Variants in FAM161A observed in about 807,000 individuals in gnomAD.
The protein encoded by FAM161A is FAM161 centrosomal protein A.
A neutral mutation model predicts 70.9 loss-of-function variants in FAM161A; 57 were observed. The ratio of observed to expected loss-of-function variants is 0.80; its 90% CI spans 0.65 to 1.00. The LOEUF (loss-of-function observed/expected upper bound fraction) is 1.00. Among genes scored for constraint, FAM161A ranks in the 50% least tolerant of loss-of-function variants. FAM161A has a pLI of 0.00. For missense variants in FAM161A, 880 were observed against 836.0 expected, an observed-to-expected ratio of 1.05 and a Z score of -0.65; for synonymous variants, 299 against 295.7, an observed-to-expected ratio of 1.01 and a Z score of -0.12.
chr2:61,839,018 G>A (rs978632758), intron 3 of FAM161A, among the ~76,000 whole-genome samples: 7 of 151,632 alleles, frequency 4.6e-5, no homozygotes, highest in African/African-American at 1.7e-4. Flanking sequence ...GAGTAGCTGG[G>A]ATTACAGGCA....
At chr2:61,835,827 G>T in intron 5 of FAM161A, 183 bp downstream of exon 5, 1 of 596,800 alleles carries the variant, frequency 1.7e-6, no homozygotes, top group Non-Finnish European at 3.0e-6. Context: ...ACCACACCTG[G>T]CTAAATGCTC....
rs1673588901 is a variant in FAM161A at position 61,853,974 on chromosome 2, G to A, written c.68C>T (p.Thr23Ile). The A allele has an allele frequency of 6.2e-7, 1 of 1,613,902 alleles. No homozygotes were observed. The change falls in exon 1 of 7, where the codon ACT becomes ATT. Residue 23 changes from threonine (T) to isoleucine (I), a missense_variant. Transcript: ENST00000404929. ...TTCGTACTGGGCGACCCGCGCTCCA[G>A]TGATGGGATTTACCGGGGTCTGGAG... is the stretch of plus-strand genomic sequence containing the variant. The part of the protein sequence containing the change: ...SSLQTPVNPI[T>I]GARVAQYERE...
At chr2:61,824,552 G>A (rs1450443458), downstream of FAM161A, among the ~76,000 whole-genome samples, 2 of 151,962 alleles carry the variant, frequency 1.3e-5, no homozygotes, top group African/African-American at 2.4e-5. Flanking sequence ...TTCCATATAT[G>A]ATTTCATCCA....
rs1034225544 is a variant in FAM161A, at chr2:61,835,802, C to G, written c.1851+208G>C. ...ACCTCAGCCTCCCAAGTAGCTGGGACTACAGGTGCACACCACCACACCTGG... is the reference window on the plus strand; with the variant it reads ...ACCTCAGCCTCCCAAGTAGCTGGGAGTACAGGTGCACACCACCACACCTGG... On this transcript the variant is annotated intron_variant, in intron 5 of 6. Coordinates refer to ENST00000404929, the MANE Select transcript of FAM161A (RefSeq NM_001201543.2). 9 of 546,092 alleles carry G rather than the reference C, an allele frequency of 1.6e-5. No homozygotes were observed. In the African/African-American group the frequency reaches 1.7e-4, roughly 10 times the overall value. The allele number at this position is 546,092 out of a possible 1,614,324, so 33.8% of individuals were successfully genotyped here.
At chr2:61,803,359 C>A in the FAM161A span, 1 of 701,044 alleles carries the variant, frequency 1.4e-6, no homozygotes, top group Non-Finnish European at 2.7e-6. Context: ...AAGACATGGC[C>A]TGTATGAGAA....
the FAM161A span, among the ~76,000 whole-genome samples, chr2:61,808,203 G>A: frequency 2.6e-5 from 4 of 152,074 alleles, no homozygotes; most frequent in Non-Finnish European, 5.9e-5. Flanking sequence ...TGAGGTTTCA[G>A]TTATTAACAG....
At chr2:61,843,373 C>A in intron 1 of FAM161A, among the ~76,000 whole-genome samples, 1 of 152,122 alleles carries the variant, frequency 6.6e-6, no homozygotes, top group East Asian at 1.9e-4. Context: ...GTGATCTACT[C>A]GCCTCGGCCT....
chr2:61,844,036 G>A (rs1280860518), intron 1 of FAM161A, among the ~76,000 whole-genome samples: 2 of 152,054 alleles, frequency 1.3e-5, no homozygotes, highest in East Asian at 1.9e-4. Flanking sequence ...CCAGCTACTC[G>A]GGAGGCTGCA....
Position 61,826,364 on chromosome 2 carries a change from C to T in FAM161A, c.*91G>A, listed in dbSNP as rs774458495. On this transcript the variant is annotated 3_prime_UTR_variant, in exon 7 of 7. Coordinates refer to ENST00000404929, the MANE Select transcript of FAM161A (RefSeq NM_001201543.2). Reference sequence around the variant, plus strand: ...TCAACAGCCCTGCACATATCAGAAGCGTCCCCACAGATGTTCTAAACACAA... The same window carrying T: ...TCAACAGCCCTGCACATATCAGAAGTGTCCCCACAGATGTTCTAAACACAA... The T allele has an allele frequency of 8.6e-6, 12 of 1,396,816 alleles. No homozygotes were observed. Among genetic ancestry groups the T allele is most frequent in the African/African-American group, 1.4e-5 (1 of 70,576 alleles). The allele number at this position is 1,396,816 out of a possible 1,614,324, so 86.5% of individuals were successfully genotyped here. A position where few individuals can be genotyped will look rare whatever the true frequency, so the allele number is the denominator to read the frequency against.
chr2:61,819,904 A>AT (rs1672167153), downstream of FAM161A, among the ~76,000 whole-genome samples: 2 of 152,000 alleles, frequency 1.3e-5, no homozygotes, highest in South Asian at 2.1e-4. Context: ...CTCATTTATG[A>AT]TTTTTTTCTA....
At position 61,840,217 on chromosome 2, in the gene FAM161A, C is replaced by A. The variant is rs766328719; in HGVS notation, c.787G>T (p.Glu263Ter). 5 of 1,613,690 alleles carry A rather than the reference C, an allele frequency of 3.1e-6. No individual in the cohort carries two copies. Among genetic ancestry groups the A allele is most frequent in the Non-Finnish European group, 3.4e-6 (4 of 1,179,952 alleles). The change falls in exon 3 of 7, where the codon GAA (glutamate) becomes TAA (stop). Residue 263 changes from glutamate (E) to a stop codon, truncating the protein, a stop_gained. Coordinates refer to ENST00000404929, the MANE Select transcript of FAM161A (RefSeq NM_001201543.2). LOFTEE classifies it high-confidence loss of function. ...TTTTTGAGCGCTTTATGTACCATTTCGATATCTGATTTAGATTTCATGGAC... is the reference window on the plus strand; with the variant it reads ...TTTTTGAGCGCTTTATGTACCATTTAGATATCTGATTTAGATTTCATGGAC... ...EESMKSKSDI[E>*]MVHKALKKQE... is the part of the protein sequence containing the mutation.
the FAM161A span, among the ~76,000 whole-genome samples, chr2:61,816,943 A>G: frequency 0.17 from 25,681 of 152,166 alleles, 2,327 homozygotes; most frequent in Middle Eastern, 0.21. Flanking sequence ...TTCCAAGTGG[A>G]GTCACACACC....
At chr2:61,800,883 A>C in the FAM161A span, among the ~76,000 whole-genome samples, 1 of 152,206 alleles carries the variant, frequency 6.6e-6, no homozygotes, top group African/African-American at 2.4e-5. Context: ...AGCTCACTGC[A>C]CACTGTATCT....
chr2:61,852,494 G>A (rs559893963), intron 1 of FAM161A, among the ~76,000 whole-genome samples: 140 of 152,204 alleles, frequency 9.2e-4, no homozygotes, highest in Non-Finnish European at 1.7e-3. Flanking sequence ...TTATTTTACA[G>A]ATAAGGAAAC....
At chr2:61,834,654 G>C (rs1392868643) in intron 5 of FAM161A, among the ~76,000 whole-genome samples, 1 of 151,974 alleles carries the variant, frequency 6.6e-6, no homozygotes, top group Admixed American at 6.6e-5. Flanking sequence ...GTAGAGACAA[G>C]GTTTCACCAT....
the FAM161A span, among the ~76,000 whole-genome samples, chr2:61,805,293 A>G: frequency 6.6e-6 from 1 of 152,174 alleles, no homozygotes; most frequent in Admixed American, 6.6e-5. Flanking sequence ...AGGTGGATGT[A>G]TCACCTGAGG....
chr2:61,853,814 C>G, intron 1 of FAM161A, 45 bp downstream of exon 1: 4 of 1,610,820 alleles, frequency 2.5e-6, no homozygotes, highest in Non-Finnish European at 2.5e-6. Flanking sequence ...TCAGCCTGCA[C>G]CCAGCCCATG....
At chr2:61,811,271 C>T in the FAM161A span, among the ~76,000 whole-genome samples, 1 of 152,168 alleles carries the variant, frequency 6.6e-6, no homozygotes. Flanking sequence ...GATCATGGTT[C>T]ACTGTAGCCT....
chr2:61,819,603 C>T, the FAM161A span, among the ~76,000 whole-genome samples: 23 of 152,046 alleles, frequency 1.5e-4, no homozygotes, highest in Non-Finnish European at 1.6e-4. Flanking sequence ...GTGGACTGTT[C>T]TATATTAGTG....
Sources: allele counts gnomAD v4.1 joint callset (sites outside exome capture counted in the v4.1 genomes callset), GRCh38; gene constraint gnomAD v4.1.1; transcripts MANE v1.5; gene names NCBI Gene and HGNC (gene_info 2026-07-23, HGNC 2026-07-21).